BMPR2: variants seen among roughly 807,000 people sequenced by gnomAD.
The protein encoded by BMPR2 is bone morphogenetic protein receptor type-2.
BMPR2 carries 29 observed loss-of-function variants against 100.8 expected under a neutral mutation model. The ratio of observed to expected loss-of-function variants is 0.29; its 90% CI spans 0.21 to 0.39. The LOEUF is 0.39. BMPR2 is among the 10% of genes least tolerant of loss of function. The probability of loss-of-function intolerance (pLI) is 1.00; values close to 1 mark genes in which losing one functional copy is unlikely to be tolerated. For missense variants in BMPR2, 1,011 were observed against 1,274.5 expected (o/e 0.79, Z 3.15); for synonymous variants, 382 against 442.3 (o/e 0.86, Z 1.71).
At chr2:202,484,074 C>A (rs1252203241) in intron 3 of BMPR2, among the ~76,000 whole-genome samples, 1 of 152,164 alleles carries the variant, frequency 6.6e-6, no homozygotes, top group Non-Finnish European at 1.5e-5. Context: ...GAGAGAGTAT[C>A]TTACTCTATA....
At chr2:202,384,359 CT>C (rs1182856833) in intron 1 of BMPR2, among the ~76,000 whole-genome samples, 1 of 152,016 alleles carries the variant, frequency 6.6e-6, no homozygotes, top group African/African-American at 2.4e-5. Flanking sequence ...CGACGGTGGA[CT>C]TGGTGGAAAA....
At chr2:202,445,632 C>G (rs1020204603) in intron 1 of BMPR2, among the ~76,000 whole-genome samples, 1 of 149,736 alleles carries the variant, frequency 6.7e-6, no homozygotes, top group African/African-American at 2.5e-5. Context: ...CAGACCCTTG[C>G]AGCATTTGTT....
chr2:202,464,956 G>C lies in BMPR2; in HGVS notation c.224G>C (p.Gly75Ala), dbSNP rs777451350. The change falls in exon 2 of 13, where the codon GGG (glycine) becomes GCG (alanine). Residue 75 changes from glycine (G) to alanine (A), a missense_variant. Physicochemically the swap from Gly to Ala is moderately conservative, Grantham distance 60. Around this residue, in one of 6 missense-constraint regions of BMPR2, gnomAD observed 355 missense variants for 455.3 expected, o/e 0.78. Coordinates refer to ENST00000374580, the MANE Select transcript of BMPR2 (RefSeq NM_001204.7). Reference protein sequence around the residue: ...TCYGLWEKSKGDINLVKQGCW... With the variant: ...TCYGLWEKSKADINLVKQGCW... ...TATGGCCTTTGGGAGAAATCAAAAG[G>C]GGACATAAATCTTGTAAAACAAGGC... 72 of 1,613,854 alleles carry C rather than the reference G, an allele frequency of 4.5e-5. No individual in the cohort carries two copies. The highest frequency in any genetic ancestry group is 1.7e-5 in the Non-Finnish European group (20 of 1,180,020).
At chr2:202,514,199 G>C (rs1229882806) in intron 4 of BMPR2, among the ~76,000 whole-genome samples, 1 of 152,006 alleles carries the variant, frequency 6.6e-6, no homozygotes, top group Non-Finnish European at 1.5e-5. Flanking sequence ...GCAGTGGCGC[G>C]ATCTCGGCTC....
At chr2:202,488,174 C>T (rs1156627609) in intron 3 of BMPR2, among the ~76,000 whole-genome samples, 1 of 152,082 alleles carries the variant, frequency 6.6e-6, no homozygotes, top group Admixed American at 6.5e-5. Flanking sequence ...TTCTCATTCT[C>T]TTTATTATCC....
At chr2:202,492,973 G>T (rs1307557625) in intron 3 of BMPR2, among the ~76,000 whole-genome samples, 2 of 152,174 alleles carry the variant, frequency 1.3e-5, no homozygotes, top group Non-Finnish European at 2.9e-5. Context: ...ATAACTGGAA[G>T]ATACAGCTTT....
chr2:202,378,619 C>G (rs72925025), intron 1 of BMPR2, among the ~76,000 whole-genome samples: 16,348 of 152,086 alleles, frequency 0.11, 1,084 homozygotes, highest in Non-Finnish European at 0.16. Flanking sequence ...TCCTTTTATG[C>G]TTTTGCTATT....
Position 202,556,236 on chromosome 2 carries a change from G to A in BMPR2, c.2571G>A (p.Arg857=). The change falls in exon 12 of 13, where the codon CGG becomes CGA. Residue 857 remains arginine, a synonymous_variant. Coordinates refer to ENST00000374580, the MANE Select transcript of BMPR2 (RefSeq NM_001204.7). ...LQNQFIGEDT[R]LNINSSPDEH... is the part of the protein sequence containing the mutation. ...ATCAGTTTATTGGTGAGGACACCCG[G>A]CTGAATATTAATTCCAGTCCTGATG... 6.2e-7 allele frequency: 1 copy of A among 1,613,348 alleles called. No homozygotes were observed. Among genetic ancestry groups the A allele is most frequent in the Non-Finnish European group, 8.5e-7 (1 of 1,179,316 alleles).
At chr2:202,399,462 TAGAC>T (rs1196757517) in intron 1 of BMPR2, among the ~76,000 whole-genome samples, 2 of 152,344 alleles carry the variant, frequency 1.3e-5, no homozygotes, top group East Asian at 1.9e-4. Flanking sequence ...AACAAGGGGT[TAGAC>T]AGGCAGGCAG....
intron 9 of BMPR2, among the ~76,000 whole-genome samples, chr2:202,536,444 G>A (rs955694057): frequency 6.6e-6 from 1 of 151,838 alleles, no homozygotes; most frequent in East Asian, 1.9e-4. Flanking sequence ...AAAATATAAT[G>A]AAATAAATCA....
intron 1 of BMPR2, among the ~76,000 whole-genome samples, chr2:202,431,703 A>C (rs1691506128): frequency 6.6e-6 from 1 of 150,444 alleles, no homozygotes; most frequent in Admixed American, 6.6e-5. Flanking sequence ...ACAGGTTTGT[A>C]ACCTAGGAGC....
At chr2:202,476,801 AAGTTAAATAAT>A (rs1338033920) in intron 3 of BMPR2, among the ~76,000 whole-genome samples, 2 of 152,166 alleles carry the variant, frequency 1.3e-5, no homozygotes, top group African/African-American at 4.8e-5. Context: ...TAAATAAAAT[AAGTTAAATAAT>A]AGTTGAACAG....
intron 1 of BMPR2, among the ~76,000 whole-genome samples, chr2:202,435,676 C>A: frequency 6.7e-6 from 1 of 149,850 alleles, no homozygotes; most frequent in East Asian, 1.9e-4. Flanking sequence ...AAGTTCTAGT[C>A]CTACAAGCTC....
intron 1 of BMPR2, among the ~76,000 whole-genome samples, chr2:202,401,498 C>T (rs1690768135): frequency 6.6e-6 from 1 of 152,162 alleles, no homozygotes; most frequent in African/African-American, 2.4e-5. Flanking sequence ...CAGTAGACCG[C>T]ATTTACCAAG....
At chr2:202,441,165 G>A (rs561350621) in intron 1 of BMPR2, among the ~76,000 whole-genome samples, 6 of 149,642 alleles carry the variant, frequency 4.0e-5, no homozygotes, top group African/African-American at 1.5e-4. Flanking sequence ...TATTTTAGTG[G>A]AGATGGGGTT....
chr2:202,448,678 G>C (rs1461441919), intron 1 of BMPR2, among the ~76,000 whole-genome samples: 1 of 151,148 alleles, frequency 6.6e-6, no homozygotes, highest in Non-Finnish European at 1.5e-5. Flanking sequence ...GGATGGTCTC[G>C]ATCTCCTGAC....
In BMPR2 at chr2:202,485,324, C is replaced by A. The variant is rs1574472576; in HGVS notation, c.418+17635C>A. On this transcript the variant is annotated intron_variant, in intron 3 of 12. Coordinates refer to ENST00000374580, the MANE Select transcript of BMPR2 (RefSeq NM_001204.7). ...AAAATAACAGAAATTTGTTCTTGGA[C>A]AGCTTTGGAGGCCAGCAGTCTAAAG... Among the ~76,000 whole-genome samples, 3 of 151,986 alleles carry A rather than the reference C, an allele frequency of 2.0e-5. No individual in the cohort carries two copies. The East Asian group carries it at 5.8e-4, about 29-fold the overall frequency.
rs773819558 is a variant in BMPR2 at position 202,542,283 on chromosome 2, T to G, written c.1277-28T>G. The G allele has an allele frequency of 7.4e-6, 12 of 1,612,392 alleles. No homozygotes were observed. In the Admixed American group the frequency reaches 2.0e-4, roughly 27 times the overall value. ...CATTTATGATAGTTAGAAATTTTAT[T>G]CTGTCATTCTTTTCTACAAATCCAC... On this transcript the variant is annotated intron_variant, in intron 9 of 12. Coordinates refer to ENST00000374580, the MANE Select transcript of BMPR2 (RefSeq NM_001204.7).
At chr2:202,433,855 C>T (rs1691555427) in intron 1 of BMPR2, among the ~76,000 whole-genome samples, 2 of 150,292 alleles carry the variant, frequency 1.3e-5, no homozygotes, top group African/African-American at 5.0e-5. Context: ...TTGCAGTGAG[C>T]CAAGATCGCA....
Sources: gnomAD v4.1 joint callset for allele counts (sites outside exome capture counted in the v4.1 genomes callset) on GRCh38, gnomAD v4.1.1 for gene constraint, gnomAD v4.1.1 regional missense constraint, MANE v1.5 for transcripts, NCBI Gene and HGNC (gene_info 2026-07-23, HGNC 2026-07-21) for gene names.